CHSY3: variants seen among roughly 807,000 people sequenced by gnomAD.
CHSY3 encodes chondroitin sulfate synthase 3.
A neutral mutation model predicts 67.2 loss-of-function variants in CHSY3; 35 were observed. That is an observed-to-expected ratio of 0.52 (90% CI 0.40 to 0.69). The LOEUF is 0.69. Among genes scored for constraint, CHSY3 ranks in the 30% least tolerant of loss-of-function variants. The probability of loss-of-function intolerance (pLI) is 0.00; values close to 1 mark genes in which losing one functional copy is unlikely to be tolerated. For synonymous variants in CHSY3, 474 were observed against 434.7 expected, an observed-to-expected ratio of 1.09 and a Z score of -1.12; for missense variants, 1,069 against 1,138.5, an observed-to-expected ratio of 0.94 and a Z score of 0.88.
chr5:130,084,226 CA>C (rs150948658), intron 2 of CHSY3, among the ~76,000 whole-genome samples: 3,434 of 152,016 alleles, frequency 0.023, 127 homozygotes, highest in African/African-American at 0.076. Context: ...CTGTCTTCAA[CA>C]AGTGGGAATT....
chr5:130,135,117 A>G (rs1047120790), intron 2 of CHSY3, among the ~76,000 whole-genome samples: 2 of 152,066 alleles, frequency 1.3e-5, no homozygotes, highest in Non-Finnish European at 2.9e-5. Flanking sequence ...TTAAACATAC[A>G]TACAGTTGTA....
intron 2 of CHSY3, among the ~76,000 whole-genome samples, chr5:129,949,292 T>C (rs1761954771): frequency 6.6e-6 from 1 of 151,654 alleles, no homozygotes; most frequent in Admixed American, 6.6e-5. Context: ...ACTGCAAAAA[T>C]ACAAAAAATC....
intron 2 of CHSY3, among the ~76,000 whole-genome samples, chr5:130,122,693 T>C (rs1043477363): frequency 2.6e-5 from 4 of 152,214 alleles, no homozygotes; most frequent in Non-Finnish European, 4.4e-5. Flanking sequence ...TTTTTGTTTT[T>C]TCCAGGTAAA....
At position 129,905,116 on chromosome 5, in the gene CHSY3, C is replaced by T; in HGVS notation, c.287C>T (p.Thr96Ile). The change falls in exon 1 of 3, where the codon ACC (threonine) becomes ATC (isoleucine). Residue 96 changes from threonine to isoleucine, a missense_variant. Coordinates refer to ENST00000305031, the MANE Select transcript of CHSY3 (RefSeq NM_175856.5). ...PPLPEAAPGITSFRSSPWQQP... is the reference protein window; with the variant it reads ...PPLPEAAPGIISFRSSPWQQP... ...CTGCCCGAGGCAGCACCCGGGATCA[C>T]CAGTTTTCGAAGCAGCCCCTGGCAG... 1.3e-6 allele frequency: 2 copies of T among 1,539,306 alleles called. No homozygotes were observed. Among genetic ancestry groups the T allele is most frequent in the Non-Finnish European group, 1.7e-6 (2 of 1,148,706 alleles).
At chr5:130,128,809 A>C (rs1768383694) in intron 2 of CHSY3, among the ~76,000 whole-genome samples, 1 of 152,158 alleles carries the variant, frequency 6.6e-6, no homozygotes, top group Non-Finnish European at 1.5e-5. Context: ...TATACATTAA[A>C]TATGGACAGC....
intron 2 of CHSY3, among the ~76,000 whole-genome samples, chr5:129,961,143 A>C (rs2149607624): frequency 6.6e-6 from 1 of 152,160 alleles, no homozygotes. Context: ...AACACACCAA[A>C]AGGGGTAATT....
chr5:130,173,177 T>A (rs1769944564), intron 2 of CHSY3, among the ~76,000 whole-genome samples: 2 of 152,136 alleles, frequency 1.3e-5, no homozygotes, highest in South Asian at 4.2e-4. Context: ...CTATAGCCTT[T>A]GGACTACACG....
chr5:130,053,945 C>T (rs978023810), intron 2 of CHSY3, among the ~76,000 whole-genome samples: 2 of 152,142 alleles, frequency 1.3e-5, no homozygotes, highest in African/African-American at 4.8e-5. Context: ...ATTTTCCCAG[C>T]ATTCATTAGA....
At chr5:130,096,792 C>G (rs1767063269) in intron 2 of CHSY3, among the ~76,000 whole-genome samples, 1 of 152,020 alleles carries the variant, frequency 6.6e-6, no homozygotes, top group Non-Finnish European at 1.5e-5. Flanking sequence ...GCCTCTTTAT[C>G]CCAGTACAGA....
chr5:129,937,861 G>T (rs1761554454), intron 2 of CHSY3, among the ~76,000 whole-genome samples: 1 of 152,144 alleles, frequency 6.6e-6, no homozygotes, highest in Admixed American at 6.5e-5. Context: ...GGCTCCCAAG[G>T]CCTTGGGAAG....
At chr5:130,042,275 T>C (rs1765027270) in intron 2 of CHSY3, among the ~76,000 whole-genome samples, 1 of 152,104 alleles carries the variant, frequency 6.6e-6, no homozygotes, top group African/African-American at 2.4e-5. Flanking sequence ...AGGATATCAT[T>C]GCTACCTTCT....
intron 2 of CHSY3, among the ~76,000 whole-genome samples, chr5:130,037,446 T>C (rs1764892201): frequency 6.6e-6 from 1 of 152,134 alleles, no homozygotes; most frequent in Non-Finnish European, 1.5e-5. Flanking sequence ...AAATTATTTA[T>C]AAAACATAAA....
intron 2 of CHSY3, among the ~76,000 whole-genome samples, chr5:130,122,460 TAAAAG>T: frequency 6.6e-6 from 1 of 152,230 alleles, no homozygotes; most frequent in Non-Finnish European, 1.5e-5. Context: ...GAAAGGAAAA[TAAAAG>T]AAAAATAAGT....
Position 129,905,494 on chromosome 5 carries a change from C to T in CHSY3, c.665C>T (p.Pro222Leu). Reference sequence around the variant, plus strand: ...GCCGGCCAGCCCCCGCCACCCCTGCCTGTCATCGCGCTACCGGGTGTGGAC... The same window carrying T: ...GCCGGCCAGCCCCCGCCACCCCTGCTTGTCATCGCGCTACCGGGTGTGGAC... ...PNAGQPPPPL[P>L]VIALPGVDDS... Residue 222 changes from proline to leucine, a missense_variant, in exon 1 of 3, where the codon CCT becomes CTT. Transcript: ENST00000305031. 1 of 1,613,242 alleles carries T rather than the reference C, an allele frequency of 6.2e-7. No individual in the cohort carries two copies. Among genetic ancestry groups the T allele is most frequent in the South Asian group, 1.1e-5 (1 of 91,086 alleles).
At chr5:129,981,700 A>G (rs1762989653) in intron 2 of CHSY3, among the ~76,000 whole-genome samples, 2 of 151,526 alleles carry the variant, frequency 1.3e-5, no homozygotes, top group African/African-American at 4.9e-5. Flanking sequence ...TATACTTTTT[A>G]TTTTCTTGTC....
chr5:129,916,968 T>C (rs1417612544), intron 2 of CHSY3, among the ~76,000 whole-genome samples: 54 of 152,042 alleles, frequency 3.6e-4, no homozygotes, highest in Admixed American at 3.3e-3. Context: ...TTATTCTTAT[T>C]TGAGTTTTCT....
intron 2 of CHSY3, among the ~76,000 whole-genome samples, chr5:129,952,965 G>T (rs1762065382): frequency 6.6e-6 from 1 of 152,118 alleles, no homozygotes; most frequent in Non-Finnish European, 1.5e-5. Context: ...ACTGAAAATT[G>T]TGTAGTATCC....
At chr5:130,078,550 ATTT>A (rs998613045) in intron 2 of CHSY3, among the ~76,000 whole-genome samples, 2 of 152,024 alleles carry the variant, frequency 1.3e-5, no homozygotes, top group African/African-American at 4.8e-5. Flanking sequence ...TGACTATTGG[ATTT>A]TTTTATTAGA....
At chr5:130,159,078 G>T (rs1245660369) in intron 2 of CHSY3, among the ~76,000 whole-genome samples, 1 of 151,892 alleles carries the variant, frequency 6.6e-6, no homozygotes, top group Admixed American at 6.6e-5. Flanking sequence ...GGGATTACAG[G>T]CGTGAACCAT....
Sources: allele counts gnomAD v4.1 joint callset (sites outside exome capture counted in the v4.1 genomes callset), GRCh38; gene constraint gnomAD v4.1.1; transcripts MANE v1.5; gene names NCBI Gene and HGNC (gene_info 2026-07-23, HGNC 2026-07-21).